The following PDE4D variants were observed in gnomAD, a reference collection of about 807,000 sequenced individuals.
PDE4D encodes the protein phosphodiesterase 4D, also known as 3',5'-cyclic-AMP phosphodiesterase 4D.
A neutral mutation model predicts 87.4 loss-of-function variants in PDE4D; 24 were observed. That is an observed-to-expected ratio of 0.27 (90% CI 0.20 to 0.39). The LOEUF is 0.39. Ranked by LOEUF, PDE4D falls within the 10% of genes least tolerant of loss-of-function variation. The pLI is 1.00. For synonymous variants in PDE4D, 384 were observed against 383.2 expected, an observed-to-expected ratio of 1.00 and a Z score of -0.02; for missense variants, 714 against 1,041.0, an observed-to-expected ratio of 0.69 and a Z score of 4.32.
intron 1 of PDE4D, among the ~76,000 whole-genome samples, chr5:59,334,603 T>C (rs1021091570): frequency 2.0e-5 from 3 of 152,044 alleles, no homozygotes; most frequent in Admixed American, 2.0e-4. Flanking sequence ...TGTAAGCATG[T>C]TGATTATACG....
At chr5:59,774,615 T>A (rs1280568587) in intron 1 of PDE4D, among the ~76,000 whole-genome samples, 1 of 152,066 alleles carries the variant, frequency 6.6e-6, no homozygotes, top group African/African-American at 2.4e-5. Flanking sequence ...AAATAGTAAG[T>A]CATTATTTCA....
At chr5:60,061,817 AG>A (rs1771439927) in intron 2 of PDE4D, among the ~76,000 whole-genome samples, 1 of 152,184 alleles carries the variant, frequency 6.6e-6, no homozygotes, top group Non-Finnish European at 1.5e-5. Context: ...CAATGGGGAA[AG>A]GATTCCCTGT....
chr5:59,307,715 G>C (rs1771687524), intron 1 of PDE4D, among the ~76,000 whole-genome samples: 1 of 151,778 alleles, frequency 6.6e-6, no homozygotes, highest in South Asian at 2.1e-4. Flanking sequence ...GAAACAACAG[G>C]TGCTGGAGAG....
At chr5:59,022,194 T>C (rs941147793) in intron 6 of PDE4D, among the ~76,000 whole-genome samples, 1 of 152,200 alleles carries the variant, frequency 6.6e-6, no homozygotes, top group Non-Finnish European at 1.5e-5. Flanking sequence ...GGGATTTCTT[T>C]TTTACTTCAA....
intron 1 of PDE4D, among the ~76,000 whole-genome samples, chr5:59,441,435 C>T (rs1008611487): frequency 2.0e-5 from 3 of 152,176 alleles, no homozygotes; most frequent in Non-Finnish European, 4.4e-5. Context: ...ATTATCTAAA[C>T]AGGAGTTTTT....
chr5:59,007,404 G>A (rs1186064483), intron 6 of PDE4D, among the ~76,000 whole-genome samples: 1 of 152,084 alleles, frequency 6.6e-6, no homozygotes, highest in Admixed American at 6.5e-5. Context: ...CTGAGGCAAA[G>A]TTAAACTTCA....
At chr5:60,285,411 T>C (rs1483485067) in intron 1 of PDE4D, among the ~76,000 whole-genome samples, 2 of 151,928 alleles carry the variant, frequency 1.3e-5, no homozygotes, top group Non-Finnish European at 2.9e-5. Flanking sequence ...GGCTGTTGCT[T>C]ATTGAGCTTG....
intron 6 of PDE4D, among the ~76,000 whole-genome samples, chr5:59,027,339 T>G (rs1013268027): frequency 1.3e-5 from 2 of 152,202 alleles, no homozygotes; most frequent in Non-Finnish European, 2.9e-5. Context: ...GAAGTAGTGA[T>G]AGGTTTCTCC....
intron 1 of PDE4D, among the ~76,000 whole-genome samples, chr5:59,298,899 C>T (rs1673877230): frequency 2.0e-5 from 3 of 152,154 alleles, no homozygotes; most frequent in Admixed American, 2.0e-4. Context: ...TTTTTAATAT[C>T]ATCTTTGATG....
At chr5:60,040,423 A>G (rs116331600) in intron 2 of PDE4D, among the ~76,000 whole-genome samples, 2,140 of 152,302 alleles carry the variant, frequency 0.014, 48 homozygotes, top group African/African-American at 0.05. Context: ...TTGGGTGGAA[A>G]TTCCACCTGT....
intron 1 of PDE4D, among the ~76,000 whole-genome samples, chr5:60,415,559 C>T (rs1487555305): frequency 6.6e-6 from 1 of 152,236 alleles, no homozygotes; most frequent in Non-Finnish European, 1.5e-5. Context: ...AGCGGCAGGC[C>T]GGCCCCGCCA....
intron 1 of PDE4D, among the ~76,000 whole-genome samples, chr5:59,535,091 C>A (rs1814944273): frequency 6.7e-6 from 1 of 148,932 alleles, no homozygotes; most frequent in African/African-American, 2.5e-5. Context: ...GGGGGGTCCT[C>A]TATCATGTAT....
rs1491202567 is a variant in PDE4D, at chr5:59,762,892, TAG to T, written c.455+130274_455+130275del. Among the ~76,000 whole-genome samples the T allele has an allele frequency of 3.9e-3, 460 of 117,894 alleles. 13 individuals are homozygous for T. The highest frequency in any genetic ancestry group is 5.9e-3 in the Non-Finnish European group (326 of 55,676). 77.3% of individuals were successfully genotyped at this position (117,894 alleles called of 152,430 possible). A position where few individuals can be genotyped will look rare whatever the true frequency, so the allele number is the denominator to read the frequency against. ...ATATATATATATATATATATATATATAGCTTGCTCTTTCTCATTTTATAGTAT... is the reference window on the plus strand; with the variant it reads ...ATATATATATATATATATATATATATCTTGCTCTTTCTCATTTTATAGTAT... On this transcript the variant is annotated intron_variant, in intron 1 of 14. Transcript: ENST00000340635.
At chr5:59,952,544 A>C (rs1345084733) in intron 3 of PDE4D, among the ~76,000 whole-genome samples, 1 of 152,230 alleles carries the variant, frequency 6.6e-6, no homozygotes, top group Non-Finnish European at 1.5e-5. Context: ...GGTAGAATCT[A>C]TGAGTTGGAT....
intron 6 of PDE4D, among the ~76,000 whole-genome samples, chr5:59,012,479 C>CA (rs1753031113): frequency 2.6e-5 from 4 of 151,364 alleles, no homozygotes; most frequent in East Asian, 1.9e-4. Context: ...AAATAGAAAA[C>CA]AAAAAAAAGC....
At chr5:59,969,569 G>A (rs980716612) in intron 3 of PDE4D, among the ~76,000 whole-genome samples, 1 of 152,128 alleles carries the variant, frequency 6.6e-6, no homozygotes, top group East Asian at 1.9e-4. Flanking sequence ...TCTTGACATG[G>A]TTTGGCTGTG....
In PDE4D at chr5:59,893,149, G is replaced by T; in HGVS notation, c.455+19C>A. The stretch of plus-strand genomic sequence containing the variant: ...GGTGACCCTTTGCCTGAATGGGGGA[G>T]GGGGCGCTCTCCACTCACCGCCTGA... On this transcript the variant is annotated intron_variant, in intron 1 of 14. Coordinates refer to ENST00000340635, the MANE Select transcript of PDE4D (RefSeq NM_001104631.2). 4 of 1,547,624 alleles carry T rather than the reference G, an allele frequency of 2.6e-6. No individual in the cohort carries two copies. The highest frequency in any genetic ancestry group is 3.5e-6 in the Non-Finnish European group (4 of 1,145,574).
chr5:59,388,773 A>G (rs1381365527), intron 1 of PDE4D, among the ~76,000 whole-genome samples: 1 of 152,078 alleles, frequency 6.6e-6, no homozygotes, highest in Non-Finnish European at 1.5e-5. Flanking sequence ...TGAACCTAAT[A>G]TTAAATATTT....
intron 1 of PDE4D, among the ~76,000 whole-genome samples, chr5:59,535,537 G>A (rs530237332): frequency 6.6e-6 from 1 of 152,138 alleles, no homozygotes; most frequent in African/African-American, 2.4e-5. Context: ...ATGTGATAAA[G>A]TACATCAAGC....
Sources: gnomAD v4.1 joint callset for allele counts (sites outside exome capture counted in the v4.1 genomes callset) on GRCh38, gnomAD v4.1.1 for gene constraint, MANE v1.5 for transcripts, NCBI Gene and HGNC (gene_info 2026-07-23, HGNC 2026-07-21) for gene names.